The following RBFOX1 variants were observed in gnomAD, a reference collection of about 807,000 sequenced individuals.
RBFOX1 encodes the protein RNA binding protein fox-1 homolog 1.
A neutral mutation model predicts 57.7 loss-of-function variants in RBFOX1; 8 were observed. The observed-to-expected ratio is 0.14, with a 90% confidence interval of 0.08 to 0.25. The LOEUF (loss-of-function observed/expected upper bound fraction) is 0.25. Among genes scored for constraint, RBFOX1 ranks in the 10% least tolerant of loss-of-function variants. The probability of loss-of-function intolerance (pLI) is 1.00; values close to 1 mark genes in which losing one functional copy is unlikely to be tolerated. For missense variants in RBFOX1, 611 were observed against 548.5 expected (o/e 1.11, Z -1.14); for synonymous variants, 326 against 222.4 (o/e 1.47, Z -4.15).
At chr16:6,009,700 C>G (rs995456529) in intron 4 of RBFOX1, among the ~76,000 whole-genome samples, 4 of 152,104 alleles carry the variant, frequency 2.6e-5, no homozygotes, top group African/African-American at 9.7e-5. Context: ...CCCTCCTCCC[C>G]CCACCTCCAA....
chr16:5,971,448 T>C (rs1289633000), intron 4 of RBFOX1, among the ~76,000 whole-genome samples: 1 of 152,226 alleles, frequency 6.6e-6, no homozygotes, highest in Non-Finnish European at 1.5e-5. Flanking sequence ...AATTTGTTTT[T>C]GTTTTTTTCC....
intron 1 of RBFOX1, among the ~76,000 whole-genome samples, chr16:5,314,428 G>C (rs1400272705): frequency 6.6e-6 from 1 of 152,248 alleles, no homozygotes; most frequent in Non-Finnish European, 1.5e-5. Context: ...GGGAGAAGCA[G>C]CACCAGGGCT....
chr16:7,282,368 G>A (rs150871781), intron 4 of RBFOX1, among the ~76,000 whole-genome samples: 1 of 152,136 alleles, frequency 6.6e-6, no homozygotes, highest in Non-Finnish European at 1.5e-5. Context: ...TTCTTTAATT[G>A]TAAGGAACAG....
At chr16:6,083,714 C>T (rs117256287) in intron 1 of RBFOX1, among the ~76,000 whole-genome samples, 65 of 152,174 alleles carry the variant, frequency 4.3e-4, no homozygotes, top group Non-Finnish European at 7.4e-4. Flanking sequence ...CAGGCTCATG[C>T]GATCCTCCTA....
intron 3 of RBFOX1, among the ~76,000 whole-genome samples, chr16:6,950,950 G>C (rs530788886): frequency 7.9e-5 from 12 of 150,958 alleles, no homozygotes; most frequent in Non-Finnish European, 1.5e-4. Flanking sequence ...CTGTTTCTCA[G>C]GCTGGAGTGC....
At chr16:6,445,856 C>T (rs1437716574) in intron 2 of RBFOX1, among the ~76,000 whole-genome samples, 2 of 152,212 alleles carry the variant, frequency 1.3e-5, no homozygotes, top group African/African-American at 2.4e-5. Flanking sequence ...GCTGGGATTA[C>T]TGGCGTGAGC....
chr16:5,908,958 C>G (rs1308603553), intron 4 of RBFOX1, among the ~76,000 whole-genome samples: 2 of 152,080 alleles, frequency 1.3e-5, no homozygotes, highest in Non-Finnish European at 2.9e-5. Context: ...GAGCCCTCAC[C>G]AAACACCAAA....
At chr16:6,853,821 G>C (rs2057300528) in intron 3 of RBFOX1, among the ~76,000 whole-genome samples, 1 of 152,140 alleles carries the variant, frequency 6.6e-6, no homozygotes, top group Non-Finnish European at 1.5e-5. Context: ...CTCCCCAACG[G>C]ATGACTGACA....
intron 4 of RBFOX1, among the ~76,000 whole-genome samples, chr16:7,347,238 A>G (rs543613430): frequency 4.2e-4 from 64 of 152,326 alleles, no homozygotes; most frequent in Non-Finnish European, 8.7e-4. Flanking sequence ...TGATAAAGAC[A>G]TACCGGAGAC....
chr16:5,506,174 G>A (rs2043371043), intron 2 of RBFOX1, among the ~76,000 whole-genome samples: 1 of 152,156 alleles, frequency 6.6e-6, no homozygotes, highest in African/African-American at 2.4e-5. Flanking sequence ...TCTTCACAGT[G>A]TTCCGGGAAC....
rs938755808 is a variant in RBFOX1 at position 7,015,030 on chromosome 16, C to T, written c.-15-37027C>T. Among the ~76,000 whole-genome samples, 6 of 152,152 alleles carry T rather than the reference C, an allele frequency of 3.9e-5. No individual in the cohort carries two copies. The South Asian group carries it at 1.2e-3, about 32-fold the overall frequency. On this transcript the variant is annotated intron_variant, in intron 3 of 15. Transcript: ENST00000550418. ...TGAGCCACCGTGCTTAGCTTCTTTA[C>T]CAGGTTCTATGCTTCCTGAATGCAG...
chr16:5,554,917 C>T (rs114781553), intron 2 of RBFOX1, among the ~76,000 whole-genome samples: 1 of 152,178 alleles, frequency 6.6e-6, no homozygotes, highest in Non-Finnish European at 1.5e-5. Context: ...TAGAAGTGAC[C>T]ACTTTCTGAT....
chr16:6,650,284 A>T (rs1048608778), intron 2 of RBFOX1, among the ~76,000 whole-genome samples: 11 of 124,474 alleles, frequency 8.8e-5, no homozygotes, highest in Non-Finnish European at 1.7e-4. Context: ...ATTTTTATTT[A>T]TTTTTTTCTT....
intron 2 of RBFOX1, among the ~76,000 whole-genome samples, chr16:5,483,769 G>A (rs1301760342): frequency 4.6e-5 from 7 of 152,110 alleles, no homozygotes; most frequent in East Asian, 1.9e-4. Context: ...CAAGCTTAGC[G>A]GTTTAAAACA....
chr16:7,567,483 G>T (rs2092102762), intron 5 of RBFOX1, among the ~76,000 whole-genome samples: 1 of 20,108 alleles, frequency 5.0e-5, no homozygotes, highest in African/African-American at 1.6e-4. Flanking sequence ...CCCTATGTAT[G>T]GCCCTATATG....
At chr16:6,304,762 G>A (rs2079254738) in intron 1 of RBFOX1, among the ~76,000 whole-genome samples, 1 of 150,836 alleles carries the variant, frequency 6.6e-6, no homozygotes, top group Admixed American at 6.6e-5. Flanking sequence ...GTGCACGCCT[G>A]TGGTGCCAGC....
intron 3 of RBFOX1, among the ~76,000 whole-genome samples, chr16:7,048,330 G>C (rs573144498): frequency 1.3e-5 from 2 of 152,020 alleles, no homozygotes; most frequent in South Asian, 2.1e-4. Context: ...CACAATCTTG[G>C]CTCACTGCAA....
At chr16:6,970,127 A>G (rs569841902) in intron 3 of RBFOX1, among the ~76,000 whole-genome samples, 13 of 151,964 alleles carry the variant, frequency 8.6e-5, no homozygotes, top group South Asian at 2.1e-4. Context: ...GAAGCGAGCT[A>G]TGATGGTGTC....
At chr16:7,554,743 CTT>C (rs548986609) in intron 5 of RBFOX1, among the ~76,000 whole-genome samples, 183 of 152,064 alleles carry the variant, frequency 1.2e-3, no homozygotes, top group African/African-American at 4.1e-3. Context: ...GCTGTGCACT[CTT>C]TTTTTCTTCT....
Sources: allele counts gnomAD v4.1 joint callset (sites outside exome capture counted in the v4.1 genomes callset), GRCh38; gene constraint gnomAD v4.1.1; transcripts MANE v1.5; gene names NCBI Gene and HGNC (gene_info 2026-07-23, HGNC 2026-07-21).